Variants in MPP3 observed in about 807,000 individuals in gnomAD.
MPP3 encodes MAGUK p55 subfamily member 3.
MPP3 carries 48 observed loss-of-function variants against 80.7 expected under a neutral mutation model. The ratio of observed to expected loss-of-function variants is 0.59; its 90% CI spans 0.47 to 0.76. The LOEUF (loss-of-function observed/expected upper bound fraction) is 0.76, where lower values mean the gene tolerates loss of function less well. Ranked by LOEUF, MPP3 falls within the 30% of genes least tolerant of loss-of-function variation. The pLI, the probability that MPP3 is intolerant of heterozygous loss-of-function variation, is 0.00. For synonymous variants in MPP3, 311 were observed against 297.6 expected (o/e 1.04, Z -0.46); for missense variants, 620 against 763.0 (o/e 0.81, Z 2.21).
intron 2 of MPP3, 157 bp from the exon 3 acceptor site, chr17:43,832,100 A>C: frequency 3.1e-6 from 2 of 648,818 alleles, no homozygotes; most frequent in Non-Finnish European, 5.5e-6. Flanking sequence ...GAAGGAAATA[A>C]AGCTAAGATG....
chr17:43,810,986 C>A, intron 17 of MPP3, 71 bp from the exon 18 acceptor site: 1 of 1,434,044 alleles, frequency 7.0e-7, no homozygotes. Context: ...CAAAGGGGAC[C>A]TCCCAACATG....
Position 43,831,224 on chromosome 17 carries a change from AGGAGAAACCTG to A in MPP3, c.222+9_222+19del. 2 of 1,613,280 alleles carry A rather than the reference AGGAGAAACCTG, an allele frequency of 1.2e-6. No homozygotes were observed. The highest frequency in any genetic ancestry group is 1.7e-6 in the Non-Finnish European group (2 of 1,179,384). The stretch of plus-strand genomic sequence containing the variant: ...GGTGGGGAGTGGGGCAGACACTGTA[AGGAGAAACCTG>A]GGGCTTACGTCCTCAGCGAGGGCCA... On this transcript the variant is annotated intron_variant, in intron 5 of 19. Transcript: ENST00000398389.
intron 19 of MPP3, 152 bp from the exon 20 acceptor site, chr17:43,802,029 G>A (rs2044430259): frequency 1.4e-6 from 1 of 693,886 alleles, no homozygotes; most frequent in African/African-American, 1.8e-5. Context: ...CACAAGAACA[G>A]AGCATAGGGA....
At chr17:43,819,459 C>T (rs375794548) in intron 11 of MPP3, among the ~76,000 whole-genome samples, 4 of 152,364 alleles carry the variant, frequency 2.6e-5, no homozygotes, top group East Asian at 3.9e-4. Flanking sequence ...TAGCTAGTTC[C>T]TCTGAGAAGC....
In MPP3 at chr17:43,809,833, C is replaced by T. The variant is rs986384072; in HGVS notation, c.1459-755G>A. Among the ~76,000 whole-genome samples the T allele has an allele frequency of 5.3e-5, 8 of 152,128 alleles. No individual in the cohort carries two copies. The South Asian group carries it at 8.3e-4, about 16-fold the overall frequency. ...GGCGGAGCTTGCGGTGAACCAAGAT[C>T]GCACCACTGCACTCCAGCCTGGGTG... On this transcript the variant is annotated intron_variant, in intron 18 of 19. Coordinates refer to ENST00000398389, the MANE Select transcript of MPP3 (RefSeq NM_001932.6).
chr17:43,820,771 C>G, intron 11 of MPP3, 91 bp downstream of exon 11: 1 of 1,254,956 alleles, frequency 8.0e-7, no homozygotes, highest in South Asian at 1.4e-5. Flanking sequence ...GCAGGCCCCT[C>G]TGGCTGTGAG....
At chr17:43,831,046 C>G (rs987798285) in intron 5 of MPP3, among the ~76,000 whole-genome samples, 198 bp downstream of exon 5, 4 of 152,220 alleles carry the variant, frequency 2.6e-5, no homozygotes, top group Non-Finnish European at 4.4e-5. Context: ...CAGCCCAGTC[C>G]AAGGCTCACG....
intron 2 of MPP3, 64 bp downstream of exon 2, chr17:43,832,697 A>C (rs989954473): frequency 6.5e-6 from 1 of 152,894 alleles, no homozygotes; most frequent in East Asian, 1.9e-4. Flanking sequence ...TAAGAGGCGT[A>C]AGAGCGGCCC....
At chr17:43,815,983 C>G (rs1935729131) in intron 14 of MPP3, 55 bp downstream of exon 14, 3 of 1,439,448 alleles carry the variant, frequency 2.1e-6, no homozygotes, top group Non-Finnish European at 2.8e-6. Context: ...CTCCCTAACT[C>G]TGGGGCCTTG....
At chr17:43,816,541 C>T (rs2045143054) in intron 13 of MPP3, 136 bp downstream of exon 13, 1 of 846,454 alleles carries the variant, frequency 1.2e-6, no homozygotes, top group South Asian at 1.5e-5. Context: ...GTCCAGCTGG[C>T]AGAGCAGGAA....
chr17:43,816,119 C>T lies in MPP3; in HGVS notation c.968-40G>A, dbSNP rs1343317403. The stretch of plus-strand genomic sequence containing the variant: ...GAGGGAGGGAAGCCAGTGAGTCCCA[C>T]CAGACACATCCGGCCCAGGGCACCC... On this transcript the variant is annotated intron_variant, in intron 13 of 19. Transcript: ENST00000398389. 2.0e-6 allele frequency: 3 copies of T among 1,494,196 alleles called. No homozygotes were observed. The African/African-American group carries it at 4.3e-5, about 22-fold the overall frequency. 92.6% of individuals were successfully genotyped at this position (1,494,196 alleles called of 1,614,324 possible). A position where few individuals can be genotyped will look rare whatever the true frequency, so the allele number is the denominator to read the frequency against.
chr17:43,808,814 T>C (rs138643032), intron 19 of MPP3, 142 bp downstream of exon 19: 46 of 991,592 alleles, frequency 4.6e-5, no homozygotes, highest in Non-Finnish European at 6.1e-5. Flanking sequence ...AGTTTTTCAA[T>C]AGGCAAAATG....
At chr17:43,820,236 C>T (rs753251478) in intron 11 of MPP3, among the ~76,000 whole-genome samples, 1 of 152,144 alleles carries the variant, frequency 6.6e-6, no homozygotes, top group Non-Finnish European at 1.5e-5. Flanking sequence ...TGAGTCATCA[C>T]CATGCCCAGC....
chr17:43,821,641 T>C (rs1031719094), intron 10 of MPP3, among the ~76,000 whole-genome samples: 8 of 152,212 alleles, frequency 5.3e-5, no homozygotes, highest in African/African-American at 1.9e-4. Context: ...TTCCCCCCTC[T>C]GCTCTAGAGT....
Position 43,825,756 on chromosome 17 carries a change from C to T in MPP3, c.609G>A (p.Leu203=). ...HKRPDEISQI[L]AQSQGSITLK... is the part of the protein sequence containing the mutation. The stretch of plus-strand genomic sequence containing the variant: ...TCCCTAGCAGGCTTGTAGCACGGAC[C>T]AGAATCTGGCTGATCTCGTCGGGCC... The change falls in exon 9 of 20, where the codon CTG becomes CTA. Residue 203 remains leucine (L), a splice_region_variant and synonymous_variant. Transcript: ENST00000398389. 6.2e-7 allele frequency: 1 copy of T among 1,606,648 alleles called. No individual in the cohort carries two copies.
intron 3 of MPP3, 36 bp from the exon 4 acceptor site, chr17:43,831,713 G>A (rs765358398): frequency 1.3e-6 from 2 of 1,548,164 alleles, no homozygotes; most frequent in Non-Finnish European, 1.8e-6. Flanking sequence ...GATAGCAAAC[G>A]CAGTGGGTGC....
intron 7 of MPP3, among the ~76,000 whole-genome samples, chr17:43,828,569 TCA>T (rs1028003046): frequency 2.4e-4 from 37 of 152,366 alleles, no homozygotes; most frequent in African/African-American, 7.0e-4. Context: ...AGCATTTAAC[TCA>T]CAGTGTTGTT....
At chr17:43,818,203 G>A in intron 11 of MPP3, 93 bp from the exon 12 acceptor site, 2 of 1,154,696 alleles carry the variant, frequency 1.7e-6, no homozygotes, top group South Asian at 1.8e-5. Context: ...GCCAAGGCCT[G>A]GATCCCACAG....
chr17:43,829,672 C>T lies in MPP3; in HGVS notation c.423G>A (p.Val141=), dbSNP rs770159390. The T allele has an allele frequency of 2.2e-5, 36 of 1,613,988 alleles. No individual in the cohort carries two copies. Among genetic ancestry groups the T allele is most frequent in the Middle Eastern group, 3.3e-4 (2 of 6,062 alleles). The change falls in exon 7 of 20, where the codon GTG becomes GTA. Residue 141 remains valine, a synonymous_variant. Coordinates refer to ENST00000398389, the MANE Select transcript of MPP3 (RefSeq NM_001932.6). ...DEESVKIVRL[V]KNKEPLGATI... is the part of the protein sequence containing the mutation. ...CACCTACCAGGGGTTCCTTGTTCTT[C>T]ACCAAGCGGACGATCTTCACCGATT...
Sources: allele counts gnomAD v4.1 joint callset (sites outside exome capture counted in the v4.1 genomes callset), GRCh38; gene constraint gnomAD v4.1.1; transcripts MANE v1.5; gene names NCBI Gene and HGNC (gene_info 2026-07-23, HGNC 2026-07-21).